PLCH2: variants seen among roughly 807,000 people sequenced by gnomAD.
PLCH2 encodes 1-phosphatidylinositol 4,5-bisphosphate phosphodiesterase eta-2.
Under a neutral mutation model 134.7 loss-of-function variants are expected in PLCH2, and 98 were observed. The observed-to-expected ratio is 0.73, with a 90% CI of 0.62 to 0.86. The LOEUF is 0.86. Among genes scored for constraint, PLCH2 ranks in the 40% least tolerant of loss-of-function variants. PLCH2 has a pLI of 0.00. For missense variants in PLCH2, 1,994 were observed against 1,986.6 expected (o/e 1.00, Z -0.07); for synonymous variants, 974 against 827.5 (o/e 1.18, Z -3.04).
chr1:2,504,909 C>T lies in PLCH2; in HGVS notation c.3947C>T (p.Thr1316Met), dbSNP rs760768385. The T allele has an allele frequency of 2.2e-5, 34 of 1,579,790 alleles. No individual in the cohort carries two copies. The Admixed American group carries it at 3.5e-4, about 16-fold the overall frequency. ...LTVFQQAGDI[T>M]SPTSLGPAGE... ...GTCTTCCAGCAGGCAGGAGACATCA[C>T]GTCACCCACCAGCCTGGGCCCGGCT... Residue 1316 changes from threonine to methionine, a missense_variant, in exon 22 of 22, where the codon ACG (threonine) becomes ATG (methionine). Thr to Met is a moderately conservative substitution (Grantham distance 81). Around this residue, in one of 2 missense-constraint regions of PLCH2, gnomAD observed 900 missense variants for 752.3 expected, o/e 1.20. Coordinates refer to ENST00000378486, the MANE Select transcript of PLCH2 (RefSeq NM_014638.4).
At chr1:2,495,369 G>A in intron 12 of PLCH2, 119 bp from the exon 13 acceptor site, 2 of 769,690 alleles carry the variant, frequency 2.6e-6, no homozygotes, top group Non-Finnish European at 4.3e-6. Context: ...GGATGGACAT[G>A]GGAGGCTGCG....
intron 2 of PLCH2, among the ~76,000 whole-genome samples, chr1:2,441,681 G>A (rs570884651): frequency 2.6e-5 from 4 of 152,302 alleles, no homozygotes; most frequent in African/African-American, 9.6e-5. Context: ...GCAGGAGCCA[G>A]CACCCCGGGA....
intron 4 of PLCH2, among the ~76,000 whole-genome samples, chr1:2,482,658 G>A (rs1217883163): frequency 6.6e-6 from 1 of 152,160 alleles, no homozygotes; most frequent in Non-Finnish European, 1.5e-5. Context: ...CAGGGACAAA[G>A]GGGCTGATGG....
At chr1:2,465,103 C>A (rs768172790), upstream of PLCH2, among the ~76,000 whole-genome samples, 2 of 152,170 alleles carry the variant, frequency 1.3e-5, no homozygotes, top group Non-Finnish European at 2.9e-5. Flanking sequence ...GGGATCAGCT[C>A]TGCCCACCTA....
Position 2,505,047 on chromosome 1 carries a change from G to C in PLCH2, c.4085G>C (p.Arg1362Thr). Residue 1362 changes from arginine (R) to threonine (T), a missense_variant, in exon 22 of 22, where the codon AGA becomes ACA. Physicochemically the swap from Arg to Thr is moderately conservative, Grantham distance 71. Coordinates refer to ENST00000378486, the MANE Select transcript of PLCH2 (RefSeq NM_014638.4). The stretch of plus-strand genomic sequence containing the variant: ...CGCCAGGCCCAGGAGCGGCAGCAGA[G>C]ACTGCAGGGCCTGGGCCGGCAGGGA... ...RARQAQERQQ[R>T]LQGLGRQGPP... 1 of 1,542,840 alleles carries C rather than the reference G, an allele frequency of 6.5e-7. No individual in the cohort carries two copies. Among genetic ancestry groups the C allele is most frequent in the East Asian group, 2.4e-5 (1 of 41,284 alleles).
At chr1:2,472,683 G>A (rs950348079), upstream of PLCH2, among the ~76,000 whole-genome samples, 3 of 152,166 alleles carry the variant, frequency 2.0e-5, no homozygotes, top group African/African-American at 7.2e-5. Flanking sequence ...AGACACGGGT[G>A]GGCCCAGGGA....
At chr1:2,479,027 AG>A (rs1641800214) in intron 2 of PLCH2, 1 of 206,420 alleles carries the variant, frequency 4.8e-6, no homozygotes. Context: ...TGGCTGCTGG[AG>A]GGAGCAGGGG....
intron 2 of PLCH2, among the ~76,000 whole-genome samples, chr1:2,458,098 C>A (rs935136968): frequency 6.6e-6 from 1 of 152,060 alleles, no homozygotes; most frequent in Non-Finnish European, 1.5e-5. Flanking sequence ...TGGGCCATGC[C>A]GTCACTGTGG....
At chr1:2,425,814 C>T (rs766315722), upstream of PLCH2, among the ~76,000 whole-genome samples, 4 of 151,944 alleles carry the variant, frequency 2.6e-5, no homozygotes, top group Middle Eastern at 3.2e-3. Context: ...TGAGGCACTG[C>T]GCTGGGCTCA....
At position 2,504,614 on chromosome 1, in the gene PLCH2, GAACTGC is replaced by G. The variant is rs1643435077; in HGVS notation, c.3654_3659del (p.Leu1219_Gln1220del). The stretch of plus-strand genomic sequence containing the variant: ...AGGCCAGCGGCCTCCCATACCTGAC[GAACTGC>G]AGCCCAGGTCCCTGGCCCCAAGGAT... On this transcript the variant is annotated inframe_deletion, in exon 22 of 22. Coordinates refer to ENST00000378486, the MANE Select transcript of PLCH2 (RefSeq NM_014638.4). The G allele has an allele frequency of 6.2e-7, 1 of 1,612,592 alleles. No individual in the cohort carries two copies. Among genetic ancestry groups the G allele is most frequent in the African/African-American group, 1.3e-5 (1 of 74,932 alleles).
upstream of PLCH2, among the ~76,000 whole-genome samples, chr1:2,464,698 C>T (rs1158731599): frequency 1.3e-5 from 2 of 152,224 alleles, no homozygotes; most frequent in African/African-American, 4.8e-5. Context: ...TCAGCTGCCT[C>T]CCACCCCTAC....
chr1:2,425,138 A>G (rs4648840), upstream of PLCH2, among the ~76,000 whole-genome samples: 95,740 of 148,440 alleles, frequency 0.64, 31,122 homozygotes, highest in East Asian at 0.77. Context: ...ACTCCAGCCT[A>G]GGCGATAGAG....
intron 2 of PLCH2, among the ~76,000 whole-genome samples, chr1:2,436,955 T>A (rs1201077687): frequency 2.0e-5 from 3 of 152,100 alleles, no homozygotes; most frequent in African/African-American, 2.4e-5. Context: ...GGGGCCAGGG[T>A]GCACCTTGGG....
At chr1:2,416,163 GC>G in the PLCH2 span, among the ~76,000 whole-genome samples, 11 of 152,208 alleles carry the variant, frequency 7.2e-5, no homozygotes, top group Admixed American at 6.5e-4. Context: ...TTGCTGCCTG[GC>G]ACCCAGCGGT....
intron 2 of PLCH2, among the ~76,000 whole-genome samples, chr1:2,437,409 C>T (rs1372075544): frequency 6.6e-6 from 1 of 152,152 alleles, no homozygotes; most frequent in African/African-American, 2.4e-5. Flanking sequence ...TCAAATTCAT[C>T]ATCCCTGAGG....
Position 2,479,885 on chromosome 1 carries a change from G to A in PLCH2, c.423G>A (p.Glu141=). The A allele has an allele frequency of 6.2e-7, 1 of 1,611,960 alleles. No homozygotes were observed. Among genetic ancestry groups the A allele is most frequent in the Non-Finnish European group, 8.5e-7 (1 of 1,179,624 alleles). ...ESLDLVSTSS[E]VARTWVTGLR... ...TGGACCTGGTCTCCACCAGCAGCGA[G>A]GTGGCGCGCACCTGGGTCACTGGCC... Residue 141 remains glutamate, a synonymous_variant, in exon 3 of 22, where the codon GAG becomes GAA. Coordinates refer to ENST00000378486, the MANE Select transcript of PLCH2 (RefSeq NM_014638.4).
chr1:2,434,739 C>T (rs985552944), intron 2 of PLCH2, among the ~76,000 whole-genome samples: 2 of 152,186 alleles, frequency 1.3e-5, no homozygotes, highest in Non-Finnish European at 2.9e-5. Context: ...AGAGCCTCGC[C>T]GGTTGTGTCC....
At chr1:2,436,337 CTCCACCTTTCCTCCCT>C (rs1557943013) in intron 2 of PLCH2, among the ~76,000 whole-genome samples, 3 of 10,210 alleles carry the variant, frequency 2.9e-4, no homozygotes, top group Non-Finnish European at 3.9e-4. Context: ...CCCTTCCTCC[CTCCACCTTTCCTCCCT>C]TCCTCCCTCC....
In PLCH2 at chr1:2,487,243, CAT is replaced by C; in HGVS notation, c.982_983del (p.Met328AspfsTer20). 1 of 1,609,842 alleles carries C rather than the reference CAT, an allele frequency of 6.2e-7. No homozygotes were observed. Among genetic ancestry groups the C allele is most frequent in the Non-Finnish European group, 8.5e-7 (1 of 1,178,198 alleles). ...NPEHHHVHQDMTQPLSHYFIT... is the reference protein window; with the variant it reads ...NPEHHHVHQDXTQPLSHYFIT... Reference sequence around the variant, plus strand: ...CTGAGCACCACCATGTGCACCAGGACATGACGCAGCCGCTGAGCCACTACTTC... The same window carrying C: ...CTGAGCACCACCATGTGCACCAGGACGACGCAGCCGCTGAGCCACTACTTC... On this transcript the variant is annotated frameshift_variant, in exon 7 of 22. Transcript: ENST00000378486. LOFTEE classifies it high-confidence loss of function.
Sources: gnomAD v4.1 joint callset for allele counts (sites outside exome capture counted in the v4.1 genomes callset) on GRCh38, gnomAD v4.1.1 for gene constraint, gnomAD v4.1.1 regional missense constraint, MANE v1.5 for transcripts, NCBI Gene and HGNC (gene_info 2026-07-23, HGNC 2026-07-21) for gene names.